Variants in HEPACAM observed in about 807,000 individuals in gnomAD.
HEPACAM encodes the protein hepatic and glial cell adhesion molecule, also known as hepatocyte cell adhesion molecule.
Under a neutral mutation model 38.3 loss-of-function variants are expected in HEPACAM, and 18 were observed. That is an observed-to-expected ratio of 0.47 (90% CI 0.33 to 0.70). HEPACAM has a LOEUF of 0.70. HEPACAM is among the 30% of genes least tolerant of loss of function. The pLI, the probability that HEPACAM is intolerant of heterozygous loss-of-function variation, is 0.03. For missense variants in HEPACAM, 466 were observed against 563.0 expected (o/e 0.83, Z 1.74); for synonymous variants, 216 against 243.1 (o/e 0.89, Z 1.04).
chr11:124,934,041 G>T (rs995063195), intron 1 of HEPACAM, among the ~76,000 whole-genome samples: 6 of 152,118 alleles, frequency 3.9e-5, no homozygotes, highest in African/African-American at 1.4e-4. Context: ...GCTAACGGCT[G>T]CCAAATACCT....
intron 1 of HEPACAM, among the ~76,000 whole-genome samples, chr11:124,931,181 C>A (rs1947277302): frequency 6.6e-6 from 1 of 152,106 alleles, no homozygotes. Flanking sequence ...GGAAAATGGG[C>A]AATTAATTTT....
intron 1 of HEPACAM, among the ~76,000 whole-genome samples, chr11:124,929,803 G>A (rs1947261223): frequency 1.3e-5 from 2 of 152,014 alleles, no homozygotes; most frequent in African/African-American, 2.4e-5. Flanking sequence ...CCTGCAGATA[G>A]CCTTGGCTTT....
Position 124,919,444 on chromosome 11 carries a change from T to A in HEPACAM, c.*1694A>T. Reference sequence around the variant, plus strand: ...AGGGATTCAGCACCAGGGTATGGCATGTTCTCATCTCACCCTAACCTTCAC... The same window carrying A: ...AGGGATTCAGCACCAGGGTATGGCAAGTTCTCATCTCACCCTAACCTTCAC... On this transcript the variant is annotated 3_prime_UTR_variant, in exon 7 of 7. Transcript: ENST00000298251. 1 of 367,654 alleles carries A rather than the reference T, an allele frequency of 2.7e-6. No homozygotes were observed. Among genetic ancestry groups the A allele is most frequent in the Non-Finnish European group, 5.0e-6 (1 of 201,260 alleles). The allele number at this position is 367,654 out of a possible 1,614,324, so 22.8% of individuals were successfully genotyped here.
At chr11:124,926,264 A>G (rs1947206979) in intron 1 of HEPACAM, among the ~76,000 whole-genome samples, 2 of 152,242 alleles carry the variant, frequency 1.3e-5, no homozygotes, top group South Asian at 4.1e-4. Context: ...AGGATTGGAA[A>G]GTACAATATG....
chr11:124,926,435 C>A (rs1295237047), intron 1 of HEPACAM, among the ~76,000 whole-genome samples: 1 of 152,118 alleles, frequency 6.6e-6, no homozygotes, highest in Non-Finnish European at 1.5e-5. Context: ...TTTGTTCCAG[C>A]CTTGTAATTC....
At chr11:124,922,849 G>C in intron 4 of HEPACAM, 31 bp from the exon 5 acceptor site, 2 of 1,608,874 alleles carry the variant, frequency 1.2e-6, no homozygotes, top group Non-Finnish European at 1.7e-6. Context: ...ACTATGAGCC[G>C]AATTATTGAA....
intron 1 of HEPACAM, among the ~76,000 whole-genome samples, chr11:124,935,625 C>A (rs538627086): frequency 6.6e-6 from 1 of 152,348 alleles, no homozygotes; most frequent in South Asian, 2.1e-4. Flanking sequence ...TGGCCCACGC[C>A]AACAAGTCAT....
intron 1 of HEPACAM, among the ~76,000 whole-genome samples, chr11:124,930,125 G>A (rs1947265275): frequency 6.6e-6 from 1 of 152,172 alleles, no homozygotes; most frequent in African/African-American, 2.4e-5. Context: ...TTCTTCAACT[G>A]TGTTATTTCC....
Position 124,924,981 on chromosome 11 carries a change from G to C in HEPACAM, c.174C>G (p.Ser58Arg). 1.2e-6 allele frequency: 2 copies of C among 1,613,374 alleles called. No individual in the cohort carries two copies. Among genetic ancestry groups the C allele is most frequent in the Admixed American group, 1.7e-5 (1 of 60,030 alleles). ...CTACAGGCCTGTCGCTGCTGGTACTGCTGTACTGCACAGAAAGCAGAGCCG... is the reference window on the plus strand; with the variant it reads ...CTACAGGCCTGTCGCTGCTGGTACTCCTGTACTGCACAGAAAGCAGAGCCG... ...GKSALLSVQY[S>R]STSSDRPVVK... Residue 58 changes from serine to arginine, a missense_variant, in exon 2 of 7, where the codon AGC (serine) becomes AGG (arginine). Transcript: ENST00000298251. This position sits in a 1 kb window ranked among gnomAD's most constrained non-coding sequence, Gnocchi z 4.4.
intron 1 of HEPACAM, among the ~76,000 whole-genome samples, chr11:124,925,994 A>G (rs1004467521): frequency 2.0e-5 from 3 of 152,232 alleles, no homozygotes; most frequent in African/African-American, 7.2e-5. Flanking sequence ...TGAGGTCAGG[A>G]GTTCGAGACC....
Position 124,924,075 on chromosome 11 carries a change from A to G in HEPACAM, c.428-65T>C. 1 of 1,489,364 alleles carries G rather than the reference A, an allele frequency of 6.7e-7. No homozygotes were observed. Among genetic ancestry groups the G allele is most frequent in the Non-Finnish European group, 9.1e-7 (1 of 1,100,572 alleles). 92.3% of individuals were successfully genotyped at this position (1,489,364 alleles called of 1,614,324 possible). On this transcript the variant is annotated intron_variant, in intron 2 of 6. Coordinates refer to ENST00000298251, the MANE Select transcript of HEPACAM (RefSeq NM_152722.5). The surrounding 1 kb of genome is among the most constrained non-coding windows in gnomAD (Gnocchi z 4.4). ...AAGAAGTGTCTCCCTTCCCCTTTTT[A>G]GCTCCCTGCCTTCCAACACACCTTT...
chr11:124,928,446 C>T (rs910234721), intron 1 of HEPACAM, among the ~76,000 whole-genome samples: 5 of 152,158 alleles, frequency 3.3e-5, no homozygotes, highest in Admixed American at 6.5e-5. Context: ...CCCCCTTTCT[C>T]GGGACCCAGT....
At chr11:124,925,626 C>T (rs1235177463) in intron 1 of HEPACAM, among the ~76,000 whole-genome samples, 1 of 152,084 alleles carries the variant, frequency 6.6e-6, no homozygotes, top group Non-Finnish European at 1.5e-5. Flanking sequence ...AGTTTAGGGG[C>T]CTGAAGACCA....
Position 124,921,408 on chromosome 11 carries a change from CG to C in HEPACAM, c.980del (p.Pro327ArgfsTer76), listed in dbSNP as rs1064793629. 3 of 1,269,888 alleles carry C rather than the reference CG, an allele frequency of 2.4e-6. No individual in the cohort carries two copies. The highest frequency in any genetic ancestry group is 3.1e-5 in the South Asian group (1 of 32,584). The allele number at this position is 1,269,888 out of a possible 1,614,324, so 78.7% of individuals were successfully genotyped here. ...DSPETEENPA[P>X]EPRSATEPGP... ...CGGGCTCCGTCGCGCTTCGAGGCTCCGGGGCCGGGTTCTCCTCGGTCTCCGG... is the reference window on the plus strand; with the variant it reads ...CGGGCTCCGTCGCGCTTCGAGGCTCCGGGCCGGGTTCTCCTCGGTCTCCGG... On this transcript the variant is annotated frameshift_variant, in exon 7 of 7. Coordinates refer to ENST00000298251, the MANE Select transcript of HEPACAM (RefSeq NM_152722.5). LOFTEE classifies it high-confidence loss of function. The surrounding 1 kb of genome is among the most constrained non-coding windows in gnomAD (Gnocchi z 4.6).
rs1335536557 is a variant in HEPACAM, at chr11:124,924,109, C to CT, written c.428-100dup. On this transcript the variant is annotated intron_variant, in intron 2 of 6. Coordinates refer to ENST00000298251, the MANE Select transcript of HEPACAM (RefSeq NM_152722.5). This position sits in a 1 kb window ranked among gnomAD's most constrained non-coding sequence, Gnocchi z 4.4. ...CCTTCCAACACACCTTTAACACTAC[C>CT]TTCCAACTCAATCTGTGGGCTGAGA... 2 of 1,140,504 alleles carry CT rather than the reference C, an allele frequency of 1.8e-6. No homozygotes were observed. Among genetic ancestry groups the CT allele is most frequent in the Non-Finnish European group, 2.5e-6 (2 of 787,890 alleles). The allele number at this position is 1,140,504 out of a possible 1,614,324, so 70.6% of individuals were successfully genotyped here.
chr11:124,922,309 TA>T (rs1947150614), intron 6 of HEPACAM, 78 bp downstream of exon 6: 3 of 1,387,166 alleles, frequency 2.2e-6, no homozygotes, highest in Non-Finnish European at 3.1e-6. Flanking sequence ...GGGATAGGAA[TA>T]TAGTATGGCT....
At chr11:124,929,317 G>A (rs988819778) in intron 1 of HEPACAM, among the ~76,000 whole-genome samples, 2 of 152,330 alleles carry the variant, frequency 1.3e-5, no homozygotes, top group South Asian at 2.1e-4. Context: ...GGGCATGTCC[G>A]TGGGCCAAAA....
At position 124,920,232 on chromosome 11, in the gene HEPACAM, G is replaced by C; in HGVS notation, c.*906C>G. 1 of 880,012 alleles carries C rather than the reference G, an allele frequency of 1.1e-6. No individual in the cohort carries two copies. Among genetic ancestry groups the C allele is most frequent in the Non-Finnish European group, 1.7e-6 (1 of 578,032 alleles). 54.5% of individuals were successfully genotyped at this position (880,012 alleles called of 1,614,324 possible). A position where few individuals can be genotyped will look rare whatever the true frequency, so the allele number is the denominator to read the frequency against. On this transcript the variant is annotated 3_prime_UTR_variant, in exon 7 of 7. Coordinates refer to ENST00000298251, the MANE Select transcript of HEPACAM (RefSeq NM_152722.5). Reference sequence around the variant, plus strand: ...CCTGAGGACAATGATTGTTTGAAAGGCTTGTTTTGTAAGGAAGCCAGGAGG... The same window carrying C: ...CCTGAGGACAATGATTGTTTGAAAGCCTTGTTTTGTAAGGAAGCCAGGAGG...
chr11:124,920,838 G>T lies in HEPACAM; in HGVS notation c.*300C>A. On this transcript the variant is annotated 3_prime_UTR_variant, in exon 7 of 7. Coordinates refer to ENST00000298251, the MANE Select transcript of HEPACAM (RefSeq NM_152722.5). Reference sequence around the variant, plus strand: ...ATGTTAGTTTCCATAAAACCCTTTTGGGTATTGGGCCAGAAATGTAATAAT... The same window carrying T: ...ATGTTAGTTTCCATAAAACCCTTTTTGGTATTGGGCCAGAAATGTAATAAT... The T allele has an allele frequency of 8.3e-7, 1 of 1,208,536 alleles. No homozygotes were observed. Among genetic ancestry groups the T allele is most frequent in the Admixed American group, 4.3e-5 (1 of 23,320 alleles). The allele number at this position is 1,208,536 out of a possible 1,614,324, so 74.9% of individuals were successfully genotyped here.
Sources: allele counts gnomAD v4.1 joint callset (sites outside exome capture counted in the v4.1 genomes callset), GRCh38; gene constraint gnomAD v4.1.1; non-coding constraint Gnocchi (gnomAD v3.1); transcripts MANE v1.5; gene names NCBI Gene and HGNC (gene_info 2026-07-23, HGNC 2026-07-21).